The following GNAL variants were observed in gnomAD, a reference collection of about 807,000 sequenced individuals.
GNAL encodes the protein guanine nucleotide-binding protein G(olf) subunit alpha.
A neutral mutation model predicts 55.1 loss-of-function variants in GNAL; 18 were observed. The observed-to-expected ratio is 0.33, with a 90% CI of 0.23 to 0.48. The LOEUF (loss-of-function observed/expected upper bound fraction) is 0.48. Ranked by LOEUF, GNAL falls within the 20% of genes least tolerant of loss-of-function variation. GNAL has a pLI of 0.99. For synonymous variants in GNAL, 253 were observed against 237.0 expected (o/e 1.07, Z -0.62); for missense variants, 412 against 614.1 (o/e 0.67, Z 3.48).
intron 5 of GNAL, among the ~76,000 whole-genome samples, chr18:11,850,973 G>C (rs967746774): frequency 6.6e-5 from 10 of 152,170 alleles, no homozygotes; most frequent in African/African-American, 2.4e-4. Context: ...GTTCCCCTGA[G>C]AAAGTGGAAA....
intron 1 of GNAL, among the ~76,000 whole-genome samples, chr18:11,748,344 T>A (rs908405561): frequency 2.6e-5 from 4 of 152,214 alleles, no homozygotes; most frequent in African/African-American, 4.8e-5. Context: ...ACTCAGCCTC[T>A]CAGTCTCTGT....
chr18:11,848,354 A>T (rs1353041169), intron 5 of GNAL, among the ~76,000 whole-genome samples: 2 of 152,078 alleles, frequency 1.3e-5, no homozygotes, highest in African/African-American at 4.8e-5. Context: ...AACTCCACCT[A>T]TACCTTCTCT....
chr18:11,701,043 C>A (rs2031554953), intron 1 of GNAL, among the ~76,000 whole-genome samples: 1 of 152,188 alleles, frequency 6.6e-6, no homozygotes, highest in South Asian at 2.1e-4. Context: ...AGGCAGAGAG[C>A]ACAGCCTCAG....
chr18:11,833,058 G>A lies in GNAL; in HGVS notation c.722+8043G>A, dbSNP rs183440230. Among the ~76,000 whole-genome samples, 211 of 140,288 alleles carry A rather than the reference G, an allele frequency of 1.5e-3. 2 individuals are homozygous for A. Among genetic ancestry groups the A allele is most frequent in the African/African-American group, 5.4e-3 (200 of 36,952 alleles). The allele number at this position is 140,288 out of a possible 152,430, so 92.0% of individuals were successfully genotyped here. On this transcript the variant is annotated intron_variant, in intron 5 of 11. Transcript: ENST00000334049. ...TTTATTTTCAGATTTTTTTTTTTTC[G>A]AGTCATTCTGTCACCCAGGCTGGAG...
intron 5 of GNAL, among the ~76,000 whole-genome samples, chr18:11,859,224 C>T (rs2036074531): frequency 6.6e-6 from 1 of 152,192 alleles, no homozygotes; most frequent in Admixed American, 6.5e-5. Context: ...AAAGTTGCGA[C>T]CATTTCTGAT....
At position 11,751,658 on chromosome 18, in the gene GNAL, C is replaced by A; in HGVS notation, c.377-1195C>A. 1.0e-6 allele frequency: 1 copy of A among 985,430 alleles called. No individual in the cohort carries two copies. Among genetic ancestry groups the A allele is most frequent in the Non-Finnish European group, 1.2e-6 (1 of 829,922 alleles). 61.0% of individuals were successfully genotyped at this position (985,430 alleles called of 1,614,324 possible). ...TCGGGGTGCAAGAGAGCCAGGCGGC[C>A]GCGGCGCAGCGGAGGGGCTGCGGGC... On this transcript the variant is annotated intron_variant, in intron 1 of 11. Transcript: ENST00000334049. The surrounding 1 kb of genome is among the most constrained non-coding windows in gnomAD (Gnocchi z 4.5).
At chr18:11,831,498 T>C (rs1345150373) in intron 5 of GNAL, among the ~76,000 whole-genome samples, 1 of 152,132 alleles carries the variant, frequency 6.6e-6, no homozygotes, top group Non-Finnish European at 1.5e-5. Context: ...GCTGTGAAGA[T>C]CTGTGTTGTG....
In GNAL at chr18:11,694,629, G is replaced by A. The variant is rs556213005; in HGVS notation, c.376+4690G>A. On this transcript the variant is annotated intron_variant, in intron 1 of 11. Coordinates refer to ENST00000334049, the MANE Select transcript of GNAL (RefSeq NM_182978.4). Reference sequence around the variant, plus strand: ...GGTATAGTAGGAGTGGGGAGCTCACGGGCTTGGGGAGCAGGTCAGATGACT... The same window carrying A: ...GGTATAGTAGGAGTGGGGAGCTCACAGGCTTGGGGAGCAGGTCAGATGACT... 6.4e-4 allele frequency among the ~76,000 whole-genome samples: 98 copies of A among 152,256 alleles called. 1 individual carries two copies. The highest frequency in any genetic ancestry group is 1.0e-4 in the Non-Finnish European group (7 of 68,022).
chr18:11,875,567 T>G (rs890289096), intron 10 of GNAL, among the ~76,000 whole-genome samples: 21 of 152,156 alleles, frequency 1.4e-4, no homozygotes, highest in Non-Finnish European at 2.6e-4. Flanking sequence ...TAACAGGGTG[T>G]AGCACCTCCC....
intron 5 of GNAL, among the ~76,000 whole-genome samples, chr18:11,831,168 T>TAA (rs145360864): frequency 1.3e-5 from 2 of 149,672 alleles, no homozygotes; most frequent in South Asian, 4.2e-4. Context: ...TATCTTGATT[T>TAA]AAAAAAAAAA....
intron 1 of GNAL, among the ~76,000 whole-genome samples, chr18:11,739,927 T>C (rs1756750096): frequency 6.6e-6 from 1 of 151,892 alleles, no homozygotes; most frequent in Non-Finnish European, 1.5e-5. Flanking sequence ...TGCTCCTCGT[T>C]AAAACCTCCC....
intron 4 of GNAL, among the ~76,000 whole-genome samples, chr18:11,766,250 G>T (rs914422895): frequency 4.6e-5 from 7 of 152,172 alleles, no homozygotes; most frequent in Admixed American, 3.9e-4. Context: ...ATCCATGAAG[G>T]TGTGGGGGTT....
intron 4 of GNAL, among the ~76,000 whole-genome samples, chr18:11,790,363 C>T (rs1055762527): frequency 1.3e-5 from 2 of 152,118 alleles, no homozygotes; most frequent in Non-Finnish European, 2.9e-5. Flanking sequence ...TTGTCAGCTC[C>T]TCACGATTCC....
At chr18:11,822,820 C>CTTTTTTTT (rs56128456) in intron 4 of GNAL, among the ~76,000 whole-genome samples, 1 of 139,708 alleles carries the variant, frequency 7.2e-6, no homozygotes, top group African/African-American at 2.8e-5. Flanking sequence ...TTTTTTTTTT[C>CTTTTTTTT]TTTTTTTTTT....
chr18:11,858,345 A>G (rs527859690), intron 5 of GNAL, among the ~76,000 whole-genome samples: 1 of 152,348 alleles, frequency 6.6e-6, no homozygotes, highest in East Asian at 1.9e-4. Flanking sequence ...CTAATTTGGT[A>G]TAGTTTTGCA....
chr18:11,805,003 C>T (rs1357667730), intron 4 of GNAL, among the ~76,000 whole-genome samples: 1 of 147,870 alleles, frequency 6.8e-6, no homozygotes, highest in African/African-American at 2.5e-5. Flanking sequence ...TGGTGAAGTA[C>T]AGATGCAGTT....
At chr18:11,729,425 C>A (rs1220129405) in intron 1 of GNAL, among the ~76,000 whole-genome samples, 2 of 152,140 alleles carry the variant, frequency 1.3e-5, no homozygotes, top group African/African-American at 4.8e-5. Context: ...AATCCCTCTC[C>A]CACACTCCTA....
chr18:11,845,741 G>A (rs567080830), intron 5 of GNAL, among the ~76,000 whole-genome samples: 2 of 151,502 alleles, frequency 1.3e-5, no homozygotes, highest in South Asian at 4.2e-4. Flanking sequence ...GGAAGGGAGG[G>A]AGGGAGAGAG....
chr18:11,747,618 TGGGGA>T (rs2032718021), intron 1 of GNAL: 1 of 142,606 alleles, frequency 7.0e-6, no homozygotes, highest in Admixed American at 7.0e-5. Flanking sequence ...ATAGGGGTAC[TGGGGA>T]TGGATAGGGG....
Sources: gnomAD v4.1 joint callset for allele counts (sites outside exome capture counted in the v4.1 genomes callset) on GRCh38, gnomAD v4.1.1 for gene constraint, Gnocchi (gnomAD v3.1) non-coding constraint, MANE v1.5 for transcripts, NCBI Gene and HGNC (gene_info 2026-07-23, HGNC 2026-07-21) for gene names.